PCBP3: variants seen among roughly 807,000 people sequenced by gnomAD.
The protein encoded by PCBP3 is poly(rC) binding protein 3, also known as poly(rC)-binding protein 3.
In PCBP3, 25 loss-of-function variants were observed where a neutral mutation model predicts 52.7. The ratio of observed to expected loss-of-function variants is 0.47; its 90% CI spans 0.35 to 0.66. The LOEUF is 0.66. PCBP3 is among the 30% of genes least tolerant of loss of function. The probability of loss-of-function intolerance (pLI) is 0.01; values close to 1 mark genes in which losing one functional copy is unlikely to be tolerated. For missense variants in PCBP3, 391 were observed against 490.3 expected, an observed-to-expected ratio of 0.80 and a Z score of 1.91; for synonymous variants, 162 against 183.0, an observed-to-expected ratio of 0.89 and a Z score of 0.93.
At chr21:45,758,128 A>G (rs376465143) in intron 4 of PCBP3, among the ~76,000 whole-genome samples, 5 of 152,286 alleles carry the variant, frequency 3.3e-5, no homozygotes, top group East Asian at 3.9e-4. Context: ...AGCTCAGGCA[A>G]TCTGCCCGCC....
At chr21:45,843,560 A>C (rs2093742875) in intron 4 of PCBP3, among the ~76,000 whole-genome samples, 1 of 152,152 alleles carries the variant, frequency 6.6e-6, no homozygotes, top group Admixed American at 6.5e-5. Context: ...GTTCTGTTGC[A>C]GCTGTTTGCT....
chr21:45,783,534 G>C (rs973070812), intron 4 of PCBP3, among the ~76,000 whole-genome samples: 1 of 152,222 alleles, frequency 6.6e-6, no homozygotes, highest in Admixed American at 6.5e-5. Context: ...AATGGAGAAG[G>C]GGGGAAGGTC....
intron 2 of PCBP3, among the ~76,000 whole-genome samples, chr21:45,701,859 C>T (rs1345426929): frequency 1.3e-5 from 2 of 152,116 alleles, no homozygotes; most frequent in South Asian, 2.1e-4. Flanking sequence ...CTCACCCAGC[C>T]CCAAAATAAC....
intron 3 of PCBP3, among the ~76,000 whole-genome samples, chr21:45,752,052 CA>C (rs1229259001): frequency 6.6e-6 from 1 of 152,022 alleles, no homozygotes; most frequent in Non-Finnish European, 1.5e-5. Flanking sequence ...GAATATGCTG[CA>C]AATATTTTCT....
At chr21:45,913,824 C>T (rs945575699) in intron 11 of PCBP3, 127 bp from the exon 12 acceptor site, 35 of 820,150 alleles carry the variant, frequency 4.3e-5, no homozygotes, top group Non-Finnish European at 6.3e-5. Context: ...CTGCGAAACT[C>T]GGGGAGGTGT....
intron 2 of PCBP3, among the ~76,000 whole-genome samples, chr21:45,698,628 G>A (rs2082929564): frequency 6.6e-6 from 1 of 152,242 alleles, no homozygotes; most frequent in Admixed American, 6.5e-5. Flanking sequence ...TCTTGGCCAG[G>A]AATGTGGGAG....
chr21:45,765,997 G>T (rs2145650440), intron 4 of PCBP3, among the ~76,000 whole-genome samples: 1 of 152,352 alleles, frequency 6.6e-6, no homozygotes, highest in South Asian at 2.1e-4. Context: ...TTGGATGTGG[G>T]CTACTGTGCC....
Position 45,817,182 on chromosome 21 carries a change from C to T in PCBP3, c.-125-32779C>T, listed in dbSNP as rs1052201424. 3.9e-5 allele frequency among the ~76,000 whole-genome samples: 6 copies of T among 152,142 alleles called. No individual in the cohort carries two copies. The highest frequency in any genetic ancestry group is 8.8e-5 in the Non-Finnish European group (6 of 68,032). On this transcript the variant is annotated intron_variant, in intron 4 of 17. Coordinates refer to ENST00000681687, the MANE Select transcript of PCBP3 (RefSeq NM_001384156.1). This position sits in a 1 kb window ranked among gnomAD's most constrained non-coding sequence, Gnocchi z 4.3. Reference sequence around the variant, plus strand: ...CCGAAACTTCATGTCATGGCTCGGTCGAACTTTGTCAAGGAAAGTCTTCAC... The same window carrying T: ...CCGAAACTTCATGTCATGGCTCGGTTGAACTTTGTCAAGGAAAGTCTTCAC...
intron 7 of PCBP3, among the ~76,000 whole-genome samples, chr21:45,900,155 C>T (rs1020472651): frequency 2.0e-5 from 3 of 152,140 alleles, no homozygotes; most frequent in Admixed American, 6.5e-5. Flanking sequence ...ACCATGGGGG[C>T]GCCTCTAGTA....
Position 45,823,290 on chromosome 21 carries a change from C to T in PCBP3, c.-125-26671C>T, listed in dbSNP as rs200883175. Among the ~76,000 whole-genome samples the T allele has an allele frequency of 3.9e-5, 6 of 152,294 alleles. No homozygotes were observed. The East Asian group carries it at 1.2e-3, about 29-fold the overall frequency. On this transcript the variant is annotated intron_variant, in intron 4 of 17. Transcript: ENST00000681687. ...CGCTGGCATGGCTGCTCTGCTGTGC[C>T]AGGAACACAGGGTTTCAGAGTTTCA... is the stretch of plus-strand genomic sequence containing the variant.
intron 2 of PCBP3, among the ~76,000 whole-genome samples, chr21:45,690,404 G>A (rs1451776251): frequency 6.6e-6 from 1 of 152,056 alleles, no homozygotes; most frequent in Non-Finnish European, 1.5e-5. Context: ...GGGCTTGCTA[G>A]ATTCTTAGAT....
intron 5 of PCBP3, among the ~76,000 whole-genome samples, chr21:45,877,153 C>A (rs943977982): frequency 1.3e-5 from 2 of 152,244 alleles, no homozygotes; most frequent in African/African-American, 2.4e-5. Flanking sequence ...GACGGGATGT[C>A]ATTCACTGTT....
At chr21:45,687,340 T>C (rs2082213521) in intron 2 of PCBP3, among the ~76,000 whole-genome samples, 3 of 152,168 alleles carry the variant, frequency 2.0e-5, no homozygotes, top group African/African-American at 4.8e-5. Flanking sequence ...TAGAGAAAGT[T>C]CTTAAGGAGG....
intron 5 of PCBP3, among the ~76,000 whole-genome samples, chr21:45,881,866 G>A (rs893464939): frequency 6.6e-6 from 1 of 152,150 alleles, no homozygotes; most frequent in African/African-American, 2.4e-5. Context: ...AGGTTCATCC[G>A]CAGTGACACA....
At chr21:45,877,763 C>A (rs1333943544) in intron 5 of PCBP3, among the ~76,000 whole-genome samples, 1 of 152,134 alleles carries the variant, frequency 6.6e-6, no homozygotes, top group Non-Finnish European at 1.5e-5. Flanking sequence ...CTGCTGTACT[C>A]CAACCTGGGC....
At chr21:45,771,906 G>A (rs530458868) in intron 4 of PCBP3, among the ~76,000 whole-genome samples, 3 of 152,120 alleles carry the variant, frequency 2.0e-5, no homozygotes, top group African/African-American at 7.2e-5. Context: ...AAGGCTGCAG[G>A]ATGTAAGATC....
At chr21:45,910,416 A>T (rs73907994) in intron 10 of PCBP3, among the ~76,000 whole-genome samples, 9,990 of 151,824 alleles carry the variant, frequency 0.066, 939 homozygotes, top group African/African-American at 0.21. Flanking sequence ...GCCCTGAGCC[A>T]TCGGCCTGTC....
At chr21:45,864,641 G>A (rs2094639494) in intron 5 of PCBP3, among the ~76,000 whole-genome samples, 1 of 152,156 alleles carries the variant, frequency 6.6e-6, no homozygotes, top group Non-Finnish European at 1.5e-5. Context: ...GCCATGTTTA[G>A]TCACATTTCC....
chr21:45,925,623 A>G (rs1200896517), intron 13 of PCBP3, among the ~76,000 whole-genome samples: 1 of 152,210 alleles, frequency 6.6e-6, no homozygotes, highest in Non-Finnish European at 1.5e-5. Context: ...GAACCCAGAA[A>G]AAATGAAAGA....
Sources: allele counts gnomAD v4.1 joint callset (sites outside exome capture counted in the v4.1 genomes callset), GRCh38; gene constraint gnomAD v4.1.1; non-coding constraint Gnocchi (gnomAD v3.1); transcripts MANE v1.5; gene names NCBI Gene and HGNC (gene_info 2026-07-23, HGNC 2026-07-21).